Variants in UBAP2 observed in about 807,000 individuals in gnomAD.
UBAP2 encodes the protein ubiquitin associated protein 2.
Under a neutral mutation model 139.6 loss-of-function variants are expected in UBAP2, and 75 were observed. The ratio of observed to expected loss-of-function variants is 0.54; its 90% CI spans 0.45 to 0.65. UBAP2 has a LOEUF of 0.65. UBAP2 is among the 30% of genes least tolerant of loss of function. The probability of loss-of-function intolerance (pLI) is 0.00; values close to 1 mark genes in which losing one functional copy is unlikely to be tolerated. For synonymous variants in UBAP2, 526 were observed against 526.2 expected (o/e 1.00, Z 0.01); for missense variants, 1,368 against 1,369.6 (o/e 1.00, Z 0.02).
intron 2 of UBAP2, chr9:34,011,717 A>C (rs964111345): frequency 1.1e-6 from 1 of 918,200 alleles, no homozygotes; most frequent in African/African-American, 1.8e-5. Context: ...TAAGTTAAAC[A>C]AGGTCAGTGC....
At chr9:33,990,875 G>A (rs1821653255) in intron 4 of UBAP2, among the ~76,000 whole-genome samples, 1 of 152,060 alleles carries the variant, frequency 6.6e-6, no homozygotes, top group African/African-American at 2.4e-5. Context: ...GACCTCAGGT[G>A]ATCCACCTAC....
intron 16 of UBAP2, among the ~76,000 whole-genome samples, chr9:33,939,578 T>A (rs938710220): frequency 1.3e-5 from 2 of 149,000 alleles, no homozygotes; most frequent in African/African-American, 5.0e-5. Context: ...GGTAACATGA[T>A]GAAACCCCAT....
intron 6 of UBAP2, among the ~76,000 whole-genome samples, chr9:33,975,464 T>C (rs1433497847): frequency 1.3e-5 from 2 of 148,268 alleles, no homozygotes; most frequent in African/African-American, 2.5e-5. Flanking sequence ...AACCAAGTGT[T>C]GACAAAGATG....
intron 1 of UBAP2, among the ~76,000 whole-genome samples, chr9:34,039,620 A>G (rs533754287): frequency 6.6e-6 from 1 of 152,010 alleles, no homozygotes; most frequent in Admixed American, 6.6e-5. Context: ...GGGCGGTGCA[A>G]GATGTGCTTT....
intron 23 of UBAP2, 47 bp from the exon 24 acceptor site, chr9:33,924,047 G>T (rs1260824589): frequency 1.9e-6 from 3 of 1,608,916 alleles, no homozygotes; most frequent in Non-Finnish European, 2.5e-6. Flanking sequence ...TCCAACCAGA[G>T]AAAGGCCACA....
chr9:33,977,028 G>A (rs866679972), intron 6 of UBAP2, among the ~76,000 whole-genome samples: 10 of 146,552 alleles, frequency 6.8e-5, no homozygotes, highest in Middle Eastern at 7.0e-3. Flanking sequence ...AACAAAAACA[G>A]TTGTTTTTTA....
chr9:34,020,420 G>GT (rs1359202897), intron 1 of UBAP2, among the ~76,000 whole-genome samples: 3 of 151,820 alleles, frequency 2.0e-5, no homozygotes, highest in Admixed American at 1.3e-4. Flanking sequence ...CACCTTCTGG[G>GT]TTCAAGCAAT....
At chr9:34,042,473 G>A (rs918727619) in intron 1 of UBAP2, among the ~76,000 whole-genome samples, 27 of 91,704 alleles carry the variant, frequency 2.9e-4, no homozygotes, top group African/African-American at 1.2e-3. Context: ...GCAAGACTCC[G>A]TCTCAAAAAA....
chr9:33,992,682 A>C (rs1821825944), intron 4 of UBAP2, among the ~76,000 whole-genome samples: 1 of 152,126 alleles, frequency 6.6e-6, no homozygotes, highest in Non-Finnish European at 1.5e-5. Context: ...AAATAGGGAA[A>C]AGAACCTTTA....
At chr9:33,954,437 A>G (rs562502533) in intron 11 of UBAP2, among the ~76,000 whole-genome samples, 4 of 152,190 alleles carry the variant, frequency 2.6e-5, no homozygotes, top group South Asian at 4.1e-4. Flanking sequence ...ATGAGCTACA[A>G]ACTTCCTGTA....
chr9:34,039,039 C>A (rs1348675907), intron 1 of UBAP2, among the ~76,000 whole-genome samples: 2 of 151,314 alleles, frequency 1.3e-5, no homozygotes, highest in African/African-American at 4.9e-5. Context: ...AGCCCCTCCG[C>A]CCAGCAGCCG....
chr9:34,005,067 A>T (rs1823071131), intron 2 of UBAP2, among the ~76,000 whole-genome samples: 1 of 152,058 alleles, frequency 6.6e-6, no homozygotes, highest in African/African-American at 2.4e-5. Context: ...GTTCAAGACC[A>T]GCCTGGCCAA....
chr9:34,034,437 T>C (rs1703931119), intron 1 of UBAP2, among the ~76,000 whole-genome samples: 1 of 152,210 alleles, frequency 6.6e-6, no homozygotes, highest in African/African-American at 2.4e-5. Context: ...AATGTATCTA[T>C]CAAAACAAAG....
chr9:34,039,969 T>C (rs1265490868), intron 1 of UBAP2, among the ~76,000 whole-genome samples: 1 of 150,232 alleles, frequency 6.7e-6, no homozygotes, highest in Non-Finnish European at 1.5e-5. Flanking sequence ...ACCAGCCTGA[T>C]GAACATGGAG....
In UBAP2 at chr9:33,986,779, G is replaced by C. The variant is rs1233117596; in HGVS notation, c.501C>G (p.Gly167=). 2 of 1,613,886 alleles carry C rather than the reference G, an allele frequency of 1.2e-6. No individual in the cohort carries two copies. Among genetic ancestry groups the C allele is most frequent in the East Asian group, 2.2e-5 (1 of 44,876 alleles). ...CNQVDKPSDR[G]KRARGRGFGR... ...GCTTACCTCTACCCCGGGCTCGCTT[G>C]CCACGATCTGAAGGTTTGTCCACTT... Residue 167 remains glycine (G), a synonymous_variant, in exon 6 of 29, where the codon GGC becomes GGG. Coordinates refer to ENST00000379238, the MANE Select transcript of UBAP2 (RefSeq NM_001370062.2).
intron 19 of UBAP2, among the ~76,000 whole-genome samples, chr9:33,931,699 G>A (rs377097451): frequency 6.6e-6 from 1 of 152,194 alleles, no homozygotes; most frequent in Non-Finnish European, 1.5e-5. Flanking sequence ...CCAGAGGAAA[G>A]GACAGGATGT....
intron 2 of UBAP2, among the ~76,000 whole-genome samples, chr9:34,009,884 C>A (rs549062680): frequency 6.8e-6 from 1 of 146,470 alleles, no homozygotes; most frequent in Non-Finnish European, 1.5e-5. Context: ...CTCTGCTCAT[C>A]GCAACTTCCG....
At chr9:33,986,673 T>G in intron 6 of UBAP2, 87 bp downstream of exon 6, 1 of 1,064,834 alleles carries the variant, frequency 9.4e-7, no homozygotes, top group Non-Finnish European at 1.5e-6. Flanking sequence ...CAGAACACAC[T>G]GCCATCCCTA....
At position 33,922,822 on chromosome 9, in the gene UBAP2, C is replaced by A. The variant is rs188768044; in HGVS notation, c.3129G>T (p.Ser1043=). Residue 1043 remains serine (S), a synonymous_variant, in exon 28 of 29, where the codon TCG becomes TCT. Transcript: ENST00000379238. ...AGTPPPFSLP[S]VLGSTGPLAS... ...CCAGGGGCCCAGTGGAGCCCAAGACCGAGGGCAGGCTGAAAGGTGGAGGCG... is the reference window on the plus strand; with the variant it reads ...CCAGGGGCCCAGTGGAGCCCAAGACAGAGGGCAGGCTGAAAGGTGGAGGCG... 4 of 1,573,506 alleles carry A rather than the reference C, an allele frequency of 2.5e-6. No individual in the cohort carries two copies. The highest frequency in any genetic ancestry group is 3.5e-6 in the Non-Finnish European group (4 of 1,158,248).
Sources: gnomAD v4.1 joint callset for allele counts (sites outside exome capture counted in the v4.1 genomes callset) on GRCh38, gnomAD v4.1.1 for gene constraint, MANE v1.5 for transcripts, NCBI Gene and HGNC (gene_info 2026-07-23, HGNC 2026-07-21) for gene names.